Variants in TENM2 observed in about 807,000 individuals in gnomAD.
The protein encoded by TENM2 is teneurin transmembrane protein 2.
TENM2 carries 52 observed loss-of-function variants against 245.2 expected under a neutral mutation model. The observed-to-expected ratio is 0.21, with a 90% confidence interval of 0.17 to 0.27. The LOEUF is 0.27. TENM2 is among the 10% of genes least tolerant of loss of function. The pLI is 1.00. For synonymous variants in TENM2, 1,363 were observed against 1,438.9 expected (o/e 0.95, Z 1.19); for missense variants, 3,046 against 3,666.8 (o/e 0.83, Z 4.37).
At chr5:167,075,222 T>C in the TENM2 span, among the ~76,000 whole-genome samples, 1 of 152,060 alleles carries the variant, frequency 6.6e-6, no homozygotes, top group East Asian at 1.9e-4. Context: ...GAGAGTTTCA[T>C]GGGGGAGAAC....
chr5:167,043,668 C>T, the TENM2 span, among the ~76,000 whole-genome samples: 2 of 152,082 alleles, frequency 1.3e-5, no homozygotes, highest in African/African-American at 4.8e-5. Flanking sequence ...AGTGGGAAGA[C>T]AGTGAAGGGT....
intron 3 of TENM2, among the ~76,000 whole-genome samples, chr5:167,897,890 GTTTTTT>G (rs35680049): frequency 1.1e-5 from 1 of 89,292 alleles, no homozygotes; most frequent in African/African-American, 3.5e-5. Context: ...GTAGTAAATT[GTTTTTT>G]TTTTTTTTTT....
At chr5:168,006,116 T>C (rs777520580) in intron 5 of TENM2, among the ~76,000 whole-genome samples, 2 of 152,214 alleles carry the variant, frequency 1.3e-5, no homozygotes, top group Non-Finnish European at 2.9e-5. Context: ...AAGCCAGTTC[T>C]TATGTTTCCA....
rs543823005 is a variant in TENM2, at chr5:167,735,209, A to T, written c.503-140777A>T. 3.3e-5 allele frequency among the ~76,000 whole-genome samples: 5 copies of T among 152,334 alleles called. No homozygotes were observed. The East Asian group carries it at 9.7e-4, about 29-fold the overall frequency. On this transcript the variant is annotated intron_variant, in intron 2 of 28. Transcript: ENST00000518659. Reference sequence around the variant, plus strand: ...AATCGTGGTCGTATTTGCTATAACAAATCATTCCCACTGATTCCCATGTTG... The same window carrying T: ...AATCGTGGTCGTATTTGCTATAACATATCATTCCCACTGATTCCCATGTTG...
chr5:168,197,700 A>C (rs1305139732), intron 15 of TENM2, among the ~76,000 whole-genome samples: 7 of 69,632 alleles, frequency 1.0e-4, no homozygotes, highest in African/African-American at 2.3e-4. Flanking sequence ...ACTCCATCCC[A>C]AAAAAAAAAA....
the TENM2 span, among the ~76,000 whole-genome samples, chr5:167,071,926 G>C: frequency 7.6e-6 from 1 of 132,432 alleles, no homozygotes; most frequent in African/African-American, 2.9e-5. Flanking sequence ...CAGGATGCTA[G>C]CACTCAACGC....
At chr5:167,071,193 G>T in the TENM2 span, among the ~76,000 whole-genome samples, 1 of 152,102 alleles carries the variant, frequency 6.6e-6, no homozygotes, top group South Asian at 2.1e-4. Flanking sequence ...CCCATTGGTG[G>T]AACTCCTTCA....
chr5:168,179,631 A>AT (rs1288554275), intron 13 of TENM2, among the ~76,000 whole-genome samples: 1 of 152,230 alleles, frequency 6.6e-6, no homozygotes, highest in African/African-American at 2.4e-5. Context: ...GACACTCAGC[A>AT]TAACAGTCAC....
chr5:168,139,967 A>G (rs1192703345), intron 12 of TENM2, among the ~76,000 whole-genome samples: 1 of 152,244 alleles, frequency 6.6e-6, no homozygotes, highest in Non-Finnish European at 1.5e-5. Flanking sequence ...AGGCCATTCA[A>G]ACAAGACTGG....
chr5:167,961,191 T>C (rs1049675905), intron 4 of TENM2, among the ~76,000 whole-genome samples: 1 of 152,270 alleles, frequency 6.6e-6, no homozygotes, highest in African/African-American at 2.4e-5. Context: ...TAACCATGTC[T>C]ACAATCTTAA....
the TENM2 span, among the ~76,000 whole-genome samples, chr5:167,101,303 G>A: frequency 1.3e-5 from 2 of 152,178 alleles, no homozygotes; most frequent in Non-Finnish European, 2.9e-5. Context: ...AGACTAATAT[G>A]AAACTCAAAC....
the TENM2 span, among the ~76,000 whole-genome samples, chr5:167,180,413 T>C: frequency 6.6e-6 from 1 of 152,128 alleles, no homozygotes; most frequent in Admixed American, 6.5e-5. Flanking sequence ...TCTCCCTACT[T>C]TTCTTGGCTA....
intron 15 of TENM2, among the ~76,000 whole-genome samples, chr5:168,196,742 G>A (rs147928491): frequency 0.011 from 1,695 of 152,294 alleles, 83 homozygotes; most frequent in Admixed American, 0.081. Flanking sequence ...GATTACAGGC[G>A]TGAGCCACCG....
At chr5:168,252,013 A>G (rs1767154578) in intron 27 of TENM2, among the ~76,000 whole-genome samples, 1 of 152,228 alleles carries the variant, frequency 6.6e-6, no homozygotes, top group South Asian at 2.1e-4. Flanking sequence ...TCTTTTGAAC[A>G]GTTACTTTTT....
chr5:167,790,384 A>G (rs1764867357), intron 2 of TENM2, among the ~76,000 whole-genome samples: 2 of 152,206 alleles, frequency 1.3e-5, no homozygotes, highest in Admixed American at 1.3e-4. Context: ...TCTGAAAGCA[A>G]AAGTTTTATT....
the TENM2 span, among the ~76,000 whole-genome samples, chr5:167,100,168 C>T: frequency 6.6e-6 from 1 of 152,130 alleles, no homozygotes; most frequent in African/African-American, 2.4e-5. Flanking sequence ...TCTCACACTG[C>T]GTTTTTGGCA....
chr5:168,227,920 C>T, exon 25 of TENM2: 1 of 1,609,366 alleles, frequency 6.2e-7, no homozygotes, highest in Non-Finnish European at 8.5e-7. Context: ...GCTACCAGCT[C>T]TGTAATAATG....
At chr5:168,185,899 C>T (rs1288445541) in intron 13 of TENM2, among the ~76,000 whole-genome samples, 1 of 126,864 alleles carries the variant, frequency 7.9e-6, no homozygotes, top group Non-Finnish European at 1.7e-5. Context: ...TGGACATATA[C>T]TATATACCAG....
the TENM2 span, among the ~76,000 whole-genome samples, chr5:167,069,458 G>T: frequency 1.3e-5 from 2 of 152,104 alleles, no homozygotes; most frequent in African/African-American, 4.8e-5. Flanking sequence ...CTTTTAAATA[G>T]GGTATTTGAA....
Sources: gnomAD v4.1 joint callset for allele counts (sites outside exome capture counted in the v4.1 genomes callset) on GRCh38, gnomAD v4.1.1 for gene constraint, MANE v1.5 for transcripts, NCBI Gene and HGNC (gene_info 2026-07-23, HGNC 2026-07-21) for gene names.